The following ERBB4 variants were observed in gnomAD, a reference collection of about 807,000 sequenced individuals.
The protein encoded by ERBB4 is erb-b2 receptor tyrosine kinase 4, also known as receptor tyrosine-protein kinase erbB-4.
Under a neutral mutation model 158.0 loss-of-function variants are expected in ERBB4, and 42 were observed. The observed-to-expected ratio is 0.27, with a 90% CI of 0.21 to 0.34. The LOEUF (loss-of-function observed/expected upper bound fraction) is 0.34, where lower values mean the gene tolerates loss of function less well. ERBB4 is among the 10% of genes least tolerant of loss of function. ERBB4 has a pLI of 1.00. For synonymous variants in ERBB4, 583 were observed against 558.7 expected (o/e 1.04, Z -0.61); for missense variants, 1,333 against 1,624.1 (o/e 0.82, Z 3.08).
chr2:211,632,978 A>C (rs1302121600), intron 16 of ERBB4, among the ~76,000 whole-genome samples: 1 of 152,126 alleles, frequency 6.6e-6, no homozygotes, highest in Non-Finnish European at 1.5e-5. Context: ...TAAGAGGCCA[A>C]ATTCTGCCTA....
At chr2:211,386,800 CT>C in intron 27 of ERBB4, 52 bp downstream of exon 27, 2 of 1,580,382 alleles carry the variant, frequency 1.3e-6, no homozygotes, top group Non-Finnish European at 1.7e-6. Flanking sequence ...CTTTGTTTAT[CT>C]TGATGGAAGT....
Position 212,151,729 on chromosome 2 carries a change from A to C in ERBB4, c.83-26826T>G, listed in dbSNP as rs538032477. ...CATGGAGAAACCCTGTCTCTACTAA[A>C]AATACAAAAACCAGCTGGGCATGGT... On this transcript the variant is annotated intron_variant, in intron 1 of 27. Transcript: ENST00000342788. Among the ~76,000 whole-genome samples the C allele has an allele frequency of 2.6e-5, 4 of 152,234 alleles. No individual in the cohort carries two copies. In the South Asian group the frequency reaches 8.3e-4, roughly 32 times the overall value.
intron 2 of ERBB4, among the ~76,000 whole-genome samples, chr2:212,108,072 A>G (rs2079285741): frequency 6.6e-6 from 1 of 152,150 alleles, no homozygotes; most frequent in Non-Finnish European, 1.5e-5. Flanking sequence ...ATAAATATAT[A>G]CCAGATTATA....
At chr2:212,147,142 C>T (rs527934706) in intron 1 of ERBB4, among the ~76,000 whole-genome samples, 1 of 143,764 alleles carries the variant, frequency 7.0e-6, no homozygotes, top group Admixed American at 7.0e-5. Context: ...AGGGGCATGC[C>T]ACCATGCCCA....
intron 25 of ERBB4, among the ~76,000 whole-genome samples, chr2:211,403,641 G>A (rs1201880240): frequency 3.9e-5 from 6 of 152,070 alleles, no homozygotes; most frequent in Non-Finnish European, 4.4e-5. Flanking sequence ...ATATAGCTGC[G>A]TATACATTTT....
chr2:211,555,892 C>T (rs1052390801), intron 20 of ERBB4, among the ~76,000 whole-genome samples: 57 of 152,294 alleles, frequency 3.7e-4, no homozygotes, highest in African/African-American at 1.2e-3. Flanking sequence ...ATCAGTGACA[C>T]TATAAAGCAA....
intron 1 of ERBB4, among the ~76,000 whole-genome samples, chr2:212,416,349 T>G (rs950487693): frequency 1.3e-5 from 2 of 152,148 alleles, no homozygotes; most frequent in Admixed American, 6.6e-5. Context: ...GTGTACTGTT[T>G]GCAACATCCT....
At chr2:211,800,697 G>C (rs1421408224) in intron 3 of ERBB4, among the ~76,000 whole-genome samples, 2 of 148,280 alleles carry the variant, frequency 1.3e-5, no homozygotes, top group Non-Finnish European at 3.0e-5. Flanking sequence ...GGCTCTGGTA[G>C]ATGTCTGGAC....
At chr2:212,439,441 C>G (rs949590786) in intron 1 of ERBB4, among the ~76,000 whole-genome samples, 1 of 152,014 alleles carries the variant, frequency 6.6e-6, no homozygotes, top group Non-Finnish European at 1.5e-5. Context: ...AACTTACTAT[C>G]TAGAAGACAT....
chr2:212,335,561 T>G (rs990592494), intron 1 of ERBB4, among the ~76,000 whole-genome samples: 1 of 152,038 alleles, frequency 6.6e-6, no homozygotes, highest in East Asian at 1.9e-4. Context: ...TTCGTTTGAT[T>G]CAATTAATAA....
intron 17 of ERBB4, among the ~76,000 whole-genome samples, chr2:211,626,527 T>C (rs1472817183): frequency 2.0e-5 from 3 of 152,316 alleles, no homozygotes; most frequent in Admixed American, 1.3e-4. Context: ...TCATATTTTC[T>C]TTTACTAAGA....
At chr2:211,764,723 T>C (rs1166718955) in intron 4 of ERBB4, among the ~76,000 whole-genome samples, 1 of 151,968 alleles carries the variant, frequency 6.6e-6, no homozygotes, top group Admixed American at 6.6e-5. Context: ...GATACAAAAA[T>C]AGAATAGCCA....
chr2:211,818,835 T>C (rs996121560), intron 3 of ERBB4, among the ~76,000 whole-genome samples: 10 of 152,112 alleles, frequency 6.6e-5, no homozygotes, highest in Non-Finnish European at 1.5e-4. Context: ...GATGGGGATG[T>C]ATGATCACTA....
At chr2:211,612,384 T>C (rs893659911) in intron 19 of ERBB4, among the ~76,000 whole-genome samples, 2 of 151,940 alleles carry the variant, frequency 1.3e-5, no homozygotes, top group Non-Finnish European at 2.9e-5. Context: ...GAGAGTGGAA[T>C]TCTACAATTA....
chr2:212,478,248 A>C (rs530663917), intron 1 of ERBB4, among the ~76,000 whole-genome samples: 1 of 152,306 alleles, frequency 6.6e-6, no homozygotes, highest in Admixed American at 6.5e-5. Flanking sequence ...GATTAATTAC[A>C]GAGCTTGTAC....
chr2:212,129,575 T>C (rs899044963), intron 1 of ERBB4, among the ~76,000 whole-genome samples: 2 of 151,958 alleles, frequency 1.3e-5, no homozygotes, highest in African/African-American at 4.8e-5. Context: ...TACATTGCAA[T>C]AATTCATTTA....
At chr2:211,886,708 T>C (rs1394155272) in intron 3 of ERBB4, among the ~76,000 whole-genome samples, 1 of 152,216 alleles carries the variant, frequency 6.6e-6, no homozygotes, top group Non-Finnish European at 1.5e-5. Flanking sequence ...AGAAATGCCA[T>C]TAATCGTAAA....
At chr2:212,075,557 A>G (rs989797218) in intron 2 of ERBB4, among the ~76,000 whole-genome samples, 1 of 151,950 alleles carries the variant, frequency 6.6e-6, no homozygotes, top group African/African-American at 2.4e-5. Flanking sequence ...CCAGTGGGTC[A>G]GAGAAATTAT....
chr2:211,909,919 T>G (rs1284796413), intron 3 of ERBB4, among the ~76,000 whole-genome samples: 1 of 151,652 alleles, frequency 6.6e-6, no homozygotes, highest in Non-Finnish European at 1.5e-5. Context: ...TTAATAAATT[T>G]TTGTTGTTGT....
Sources: gnomAD v4.1 joint callset for allele counts (sites outside exome capture counted in the v4.1 genomes callset) on GRCh38, gnomAD v4.1.1 for gene constraint, MANE v1.5 for transcripts, NCBI Gene and HGNC (gene_info 2026-07-23, HGNC 2026-07-21) for gene names.